Variants in SLC24A2 observed in about 807,000 individuals in gnomAD.
SLC24A2 encodes the protein sodium/potassium/calcium exchanger 2.
SLC24A2 carries 36 observed loss-of-function variants against 62.0 expected under a neutral mutation model. The observed-to-expected ratio is 0.58, with a 90% CI of 0.44 to 0.77. The LOEUF (loss-of-function observed/expected upper bound fraction) is 0.77, where lower values mean the gene tolerates loss of function less well. SLC24A2 is among the 30% of genes least tolerant of loss of function. The pLI, the probability that SLC24A2 is intolerant of heterozygous loss-of-function variation, is 0.00. For synonymous variants in SLC24A2, 358 were observed against 294.0 expected (o/e 1.22, Z -2.23); for missense variants, 846 against 817.9 (o/e 1.03, Z -0.42).
Position 19,529,287 on chromosome 9 carries a change from G to A in SLC24A2, c.1480-1149C>T, listed in dbSNP as rs77045550. ...GACCTTGGGCAGTCACACAGAACAC[G>A]TTCTGTCATGGCTTTTGAGAGCTCC... On this transcript the variant is annotated intron_variant, in intron 8 of 10. Coordinates refer to ENST00000341998, the MANE Select transcript of SLC24A2 (RefSeq NM_020344.4). 4.9e-4 allele frequency among the ~76,000 whole-genome samples: 74 copies of A among 152,266 alleles called. 2 individuals are homozygous for A. The highest frequency in any genetic ancestry group is 1.5e-3 in the African/African-American group (64 of 41,550).
the SLC24A2 span, among the ~76,000 whole-genome samples, chr9:19,948,704 G>A: frequency 2.0e-5 from 3 of 151,582 alleles, no homozygotes; most frequent in African/African-American, 7.3e-5. Context: ...AATTAGCCGG[G>A]CGCAGTGGCG....
chr9:19,896,406 G>C, the SLC24A2 span, among the ~76,000 whole-genome samples: 1 of 152,222 alleles, frequency 6.6e-6, no homozygotes, highest in South Asian at 2.1e-4. Flanking sequence ...CAGTGCTTGA[G>C]CTTTGAAATG....
At chr9:19,766,775 G>A (rs888581768) in intron 2 of SLC24A2, among the ~76,000 whole-genome samples, 2 of 152,222 alleles carry the variant, frequency 1.3e-5, no homozygotes, top group African/African-American at 4.8e-5. Flanking sequence ...GAGGGTCAGC[G>A]ACCCACTTGA....
chr9:20,035,334 T>C, the SLC24A2 span, among the ~76,000 whole-genome samples: 23 of 152,352 alleles, frequency 1.5e-4, no homozygotes, highest in African/African-American at 5.3e-4. Flanking sequence ...CAATAAATAT[T>C]AGCTATCATT....
chr9:19,597,285 A>T lies in SLC24A2; in HGVS notation c.1079-6T>A, dbSNP rs756009911. On this transcript the variant is annotated splice_polypyrimidine_tract_variant and splice_region_variant and intron_variant, in intron 4 of 10. Coordinates refer to ENST00000341998, the MANE Select transcript of SLC24A2 (RefSeq NM_020344.4). ...TTTTCCATATGATCCAAGTTCTACA[A>T]CATCACAGTAAAAGACACAAAGATA... 3 of 1,549,148 alleles carry T rather than the reference A, an allele frequency of 1.9e-6. No homozygotes were observed. Among genetic ancestry groups the T allele is most frequent in the Admixed American group, 1.7e-5 (1 of 59,930 alleles).
At chr9:19,842,187 C>T in the SLC24A2 span, among the ~76,000 whole-genome samples, 5 of 152,148 alleles carry the variant, frequency 3.3e-5, no homozygotes, top group South Asian at 4.1e-4. Flanking sequence ...CTGTCAGCAC[C>T]GCATCCAAGG....
At chr9:19,771,522 G>A (rs1245502825) in intron 2 of SLC24A2, among the ~76,000 whole-genome samples, 5 of 152,156 alleles carry the variant, frequency 3.3e-5, no homozygotes. Context: ...GAGCAGCCTG[G>A]CTGCTCATCT....
intron 8 of SLC24A2, among the ~76,000 whole-genome samples, chr9:19,530,646 T>C (rs1367161587): frequency 6.6e-6 from 1 of 152,182 alleles, no homozygotes; most frequent in Non-Finnish European, 1.5e-5. Context: ...TTAAAGGAAC[T>C]AAATTCAAAT....
chr9:19,860,565 G>C, the SLC24A2 span, among the ~76,000 whole-genome samples: 1 of 151,928 alleles, frequency 6.6e-6, no homozygotes, highest in Non-Finnish European at 1.5e-5. Context: ...AAAGTGGAGG[G>C]GAAAGTAAAT....
At chr9:19,948,537 T>C in the SLC24A2 span, among the ~76,000 whole-genome samples, 1 of 152,136 alleles carries the variant, frequency 6.6e-6, no homozygotes, top group Non-Finnish European at 1.5e-5. Context: ...CTGGTAGAGA[T>C]TGAAGAATAG....
chr9:20,087,729 G>A, the SLC24A2 span, among the ~76,000 whole-genome samples: 1 of 152,186 alleles, frequency 6.6e-6, no homozygotes, highest in African/African-American at 2.4e-5. Flanking sequence ...AGTGTGCACT[G>A]CTCTCATGGA....
intron 2 of SLC24A2, among the ~76,000 whole-genome samples, chr9:19,640,873 T>C (rs1818475319): frequency 6.6e-6 from 1 of 152,242 alleles, no homozygotes; most frequent in Non-Finnish European, 1.5e-5. Flanking sequence ...ATTTTGTGCC[T>C]GAGTGCCATC....
chr9:19,829,925 T>C, the SLC24A2 span, among the ~76,000 whole-genome samples: 2 of 151,822 alleles, frequency 1.3e-5, no homozygotes, highest in Non-Finnish European at 2.9e-5. Context: ...TTTGAGATTT[T>C]ATTTTATTTG....
the SLC24A2 span, among the ~76,000 whole-genome samples, chr9:19,931,582 C>A: frequency 6.6e-6 from 1 of 152,184 alleles, no homozygotes; most frequent in Non-Finnish European, 1.5e-5. Flanking sequence ...TCTAAATTGA[C>A]TGAAAAATCT....
chr9:20,055,198 G>A, the SLC24A2 span, among the ~76,000 whole-genome samples: 1 of 152,092 alleles, frequency 6.6e-6, no homozygotes, highest in African/African-American at 2.4e-5. Flanking sequence ...GAATGAACCA[G>A]TTAAATAAAT....
the SLC24A2 span, among the ~76,000 whole-genome samples, chr9:20,046,584 T>C: frequency 2.6e-5 from 4 of 152,222 alleles, no homozygotes; most frequent in Admixed American, 1.3e-4. Context: ...AGCTTGAGTG[T>C]GCACAATGTG....
the SLC24A2 span, among the ~76,000 whole-genome samples, chr9:20,095,343 C>T: frequency 1.3e-5 from 2 of 152,168 alleles, no homozygotes; most frequent in Admixed American, 1.3e-4. Context: ...CTTGATTGGC[C>T]CACAGGGTGC....
At chr9:19,968,278 T>G in the SLC24A2 span, among the ~76,000 whole-genome samples, 2 of 152,220 alleles carry the variant, frequency 1.3e-5, no homozygotes, top group African/African-American at 2.4e-5. Context: ...AGAGAGTAAT[T>G]TGACTCTGAA....
the SLC24A2 span, among the ~76,000 whole-genome samples, chr9:19,796,481 G>T: frequency 6.6e-6 from 1 of 152,158 alleles, no homozygotes; most frequent in Non-Finnish European, 1.5e-5. Context: ...AAAACCCTGT[G>T]TCCTGAAGCC....
Sources: gnomAD v4.1 joint callset for allele counts (sites outside exome capture counted in the v4.1 genomes callset) on GRCh38, gnomAD v4.1.1 for gene constraint, MANE v1.5 for transcripts, NCBI Gene and HGNC (gene_info 2026-07-23, HGNC 2026-07-21) for gene names.